The following EXOC1 variants were observed in gnomAD, a reference collection of about 807,000 sequenced individuals.
EXOC1 encodes the protein SEC3-like 1.
A neutral mutation model predicts 107.7 loss-of-function variants in EXOC1; 67 were observed. The ratio of observed to expected loss-of-function variants is 0.62; its 90% CI spans 0.51 to 0.76. The LOEUF is 0.76. EXOC1 is among the 30% of genes least tolerant of loss of function. The pLI is 0.00. For synonymous variants in EXOC1, 348 were observed against 353.5 expected (o/e 0.98, Z 0.17); for missense variants, 833 against 1,055.7 (o/e 0.79, Z 2.92).
At chr4:55,890,631 C>T (rs1384655330) in intron 12 of EXOC1, among the ~76,000 whole-genome samples, 2 of 151,554 alleles carry the variant, frequency 1.3e-5, no homozygotes, top group Non-Finnish European at 2.9e-5. Context: ...TCATAAAATG[C>T]TTATATCTCA....
chr4:55,892,778 A>ATTG, intron 14 of EXOC1, 67 bp downstream of exon 14: 1 of 1,462,380 alleles, frequency 6.8e-7, no homozygotes. Flanking sequence ...AGTGCTGCTC[A>ATTG]TTGAGGGGTC....
At chr4:55,900,405 T>C (rs1265506853) in intron 17 of EXOC1, among the ~76,000 whole-genome samples, 1 of 152,200 alleles carries the variant, frequency 6.6e-6, no homozygotes, top group Non-Finnish European at 1.5e-5. Context: ...CTACATTGCC[T>C]TTTACTTTTC....
chr4:55,901,748 A>C (rs1725950235), intron 17 of EXOC1, among the ~76,000 whole-genome samples: 1 of 152,170 alleles, frequency 6.6e-6, no homozygotes. Context: ...TAGCAACCTC[A>C]TACACTGTTG....
intron 2 of EXOC1, 107 bp downstream of exon 2, chr4:55,858,554 G>A (rs1238702063): frequency 2.3e-6 from 3 of 1,290,392 alleles, no homozygotes; most frequent in Admixed American, 5.7e-5. Context: ...TGGAAAAATT[G>A]TTGGGTCAAC....
At chr4:55,876,392 T>C (rs1353290403) in intron 8 of EXOC1, 1 of 760,510 alleles carries the variant, frequency 1.3e-6, no homozygotes, top group East Asian at 1.3e-4. Flanking sequence ...CAATACAGTA[T>C]ATATACTGTA....
At position 55,902,543 on chromosome 4, in the gene EXOC1, G is replaced by A; in HGVS notation, c.2532+5G>A. The stretch of plus-strand genomic sequence containing the variant: ...GAAGAAGAGAACTTACTTCAGGTAT[G>A]CTTACTTCTTTTGACCATCTGACTT... On this transcript the variant is annotated splice_donor_5th_base_variant and intron_variant, in intron 18 of 18. Transcript: ENST00000381295. 2 of 1,464,646 alleles carry A rather than the reference G, an allele frequency of 1.4e-6. No individual in the cohort carries two copies. The highest frequency in any genetic ancestry group is 1.5e-5 in the South Asian group (1 of 64,882). 90.7% of individuals were successfully genotyped at this position (1,464,646 alleles called of 1,614,324 possible). A position where few individuals can be genotyped will look rare whatever the true frequency, so the allele number is the denominator to read the frequency against.
chr4:55,891,879 C>T (rs1043636716), intron 13 of EXOC1, among the ~76,000 whole-genome samples: 3 of 152,102 alleles, frequency 2.0e-5, no homozygotes, highest in Non-Finnish European at 4.4e-5. Context: ...TACTAACTAG[C>T]CATGAGATCT....
intron 3 of EXOC1, among the ~76,000 whole-genome samples, chr4:55,861,890 C>A (rs1721507201): frequency 6.6e-6 from 1 of 152,126 alleles, no homozygotes; most frequent in Non-Finnish European, 1.5e-5. Flanking sequence ...CCTGTCTCTA[C>A]TAAAATACAA....
intron 16 of EXOC1, 94 bp downstream of exon 16, chr4:55,896,994 A>T: frequency 9.8e-7 from 1 of 1,016,932 alleles, no homozygotes; most frequent in Non-Finnish European, 1.4e-6. Flanking sequence ...ATTATTTTGT[A>T]TATCTTATAA....
intron 1 of EXOC1, among the ~76,000 whole-genome samples, chr4:55,855,270 C>T (rs969542336): frequency 7.9e-5 from 12 of 152,068 alleles, no homozygotes; most frequent in African/African-American, 2.9e-4. Context: ...GAACCTGGGT[C>T]AGTATATTTG....
intron 8 of EXOC1, among the ~76,000 whole-genome samples, chr4:55,872,284 C>A (rs1027488538): frequency 2.0e-5 from 3 of 151,978 alleles, no homozygotes; most frequent in Non-Finnish European, 4.4e-5. Context: ...TACTATTGGA[C>A]CTGTTTTATT....
chr4:55,861,761 A>G (rs1721493433), intron 3 of EXOC1, among the ~76,000 whole-genome samples: 1 of 152,264 alleles, frequency 6.6e-6, no homozygotes, highest in Non-Finnish European at 1.5e-5. Context: ...GGGATGTTTA[A>G]AAATAATTTA....
At chr4:55,882,099 T>TTTGTTGTTGTTGTTG (rs57694786) in intron 9 of EXOC1, among the ~76,000 whole-genome samples, 1 of 150,872 alleles carries the variant, frequency 6.6e-6, no homozygotes, top group African/African-American at 2.4e-5. Context: ...CCATAGGGTT[T>TTTGTTGTTGTTGTTG]TTGTTGTTGT....
chr4:55,871,723 A>T, intron 7 of EXOC1, 126 bp from the exon 8 acceptor site: 1 of 709,020 alleles, frequency 1.4e-6, no homozygotes, highest in South Asian at 2.0e-5. Context: ...AACTTTTATC[A>T]TGTAAATGAA....
rs1722469566 is a variant in EXOC1, at chr4:55,871,829, A to C, written c.965-20A>C. 2 of 1,608,870 alleles carry C rather than the reference A, an allele frequency of 1.2e-6. No homozygotes were observed. Among genetic ancestry groups the C allele is most frequent in the African/African-American group, 2.7e-5 (2 of 74,682 alleles). ...TCTTTTTACCCATTAAACTGGTCAC[A>C]AAATGTCGTTCTGTGTCAGGCCATG... On this transcript the variant is annotated intron_variant, in intron 7 of 18. Transcript: ENST00000381295.
At chr4:55,857,326 C>A (rs926180067) in intron 1 of EXOC1, among the ~76,000 whole-genome samples, 1 of 151,440 alleles carries the variant, frequency 6.6e-6, no homozygotes, top group African/African-American at 2.4e-5. Flanking sequence ...ACTACAGGCA[C>A]CCACCACCAT....
chr4:55,869,736 C>T (rs926730189), intron 5 of EXOC1, among the ~76,000 whole-genome samples: 1 of 152,150 alleles, frequency 6.6e-6, no homozygotes, highest in Non-Finnish European at 1.5e-5. Flanking sequence ...CTCTTAAAGT[C>T]GTATTGCACT....
intron 9 of EXOC1, among the ~76,000 whole-genome samples, chr4:55,882,146 G>A (rs1044841131): frequency 2.0e-5 from 3 of 151,840 alleles, no homozygotes; most frequent in South Asian, 4.2e-4. Context: ...TTTTGTTTTC[G>A]TTTTTGTTTT....
At chr4:55,871,743 A>T in intron 7 of EXOC1, 106 bp from the exon 8 acceptor site, 1 of 935,292 alleles carries the variant, frequency 1.1e-6, no homozygotes, top group Non-Finnish European at 1.6e-6. Context: ...ATACACCCAT[A>T]AAACTTTTGG....
Sources: gnomAD v4.1 joint callset for allele counts (sites outside exome capture counted in the v4.1 genomes callset) on GRCh38, gnomAD v4.1.1 for gene constraint, MANE v1.5 for transcripts, NCBI Gene and HGNC (gene_info 2026-07-23, HGNC 2026-07-21) for gene names.